SAMD5: variants seen among roughly 807,000 people sequenced by gnomAD.
SAMD5 encodes the protein sterile alpha motif domain containing 5.
A neutral mutation model predicts 11.3 loss-of-function variants in SAMD5; 13 were observed. The ratio of observed to expected loss-of-function variants is 1.15; its 90% CI spans 0.75 to 1.83. SAMD5 has a LOEUF of 1.83. Ranked by LOEUF, SAMD5 falls within the 40% of genes most tolerant of loss-of-function variation. The pLI, the probability that SAMD5 is intolerant of heterozygous loss-of-function variation, is 0.00. For synonymous variants in SAMD5, 129 were observed against 111.3 expected (o/e 1.16, Z -1.00); for missense variants, 255 against 239.1 (o/e 1.07, Z -0.44).
the SAMD5 span, among the ~76,000 whole-genome samples, chr6:147,790,814 CT>C: frequency 8.5e-6 from 1 of 118,148 alleles, no homozygotes; most frequent in East Asian, 2.4e-4. Context: ...CTCTCTCTCT[CT>C]CTCTCTCTCT....
At chr6:147,917,752 A>T in the SAMD5 span, among the ~76,000 whole-genome samples, 2 of 152,184 alleles carry the variant, frequency 1.3e-5, no homozygotes, top group Non-Finnish European at 2.9e-5. Context: ...TAAGGAAGGG[A>T]TCCACTTTCA....
chr6:147,951,017 T>C, the SAMD5 span, among the ~76,000 whole-genome samples: 1 of 151,154 alleles, frequency 6.6e-6, no homozygotes, highest in Non-Finnish European at 1.5e-5. Context: ...CAGGCTTGGC[T>C]CTCCATGTGC....
At chr6:147,811,488 A>C in the SAMD5 span, among the ~76,000 whole-genome samples, 1 of 152,132 alleles carries the variant, frequency 6.6e-6, no homozygotes, top group Admixed American at 6.6e-5. Flanking sequence ...TTTGAACAGA[A>C]CAGTAGCAGT....
At chr6:147,720,294 T>C (rs1421863189) in intron 1 of SAMD5, among the ~76,000 whole-genome samples, 1 of 152,082 alleles carries the variant, frequency 6.6e-6, no homozygotes, top group African/African-American at 2.4e-5. Context: ...ACCCCGTCTC[T>C]ACTGAAAAAA....
intron 1 of SAMD5, among the ~76,000 whole-genome samples, chr6:147,690,286 A>C (rs1258147097): frequency 6.6e-6 from 1 of 152,230 alleles, no homozygotes; most frequent in Non-Finnish European, 1.5e-5. Context: ...AGAAAACTTT[A>C]GCTATTTATT....
the SAMD5 span, among the ~76,000 whole-genome samples, chr6:147,841,124 C>G: frequency 6.6e-6 from 1 of 152,166 alleles, no homozygotes; most frequent in Non-Finnish European, 1.5e-5. Context: ...AGAGACAACT[C>G]TGGAGATGGA....
At chr6:147,858,046 G>A in the SAMD5 span, among the ~76,000 whole-genome samples, 1 of 152,138 alleles carries the variant, frequency 6.6e-6, no homozygotes, top group Non-Finnish European at 1.5e-5. Flanking sequence ...AGGCATTTTT[G>A]TGGCTGCCGG....
At chr6:147,922,311 A>G in the SAMD5 span, among the ~76,000 whole-genome samples, 1 of 152,166 alleles carries the variant, frequency 6.6e-6, no homozygotes, top group Non-Finnish European at 1.5e-5. Context: ...TCTAGTACTC[A>G]CTAGAACTTT....
At chr6:147,780,049 A>G in the SAMD5 span, among the ~76,000 whole-genome samples, 2 of 152,214 alleles carry the variant, frequency 1.3e-5, no homozygotes, top group Admixed American at 6.5e-5. Context: ...AGGTCAAATT[A>G]AATAAGCTTT....
intron 1 of SAMD5, among the ~76,000 whole-genome samples, chr6:147,657,103 G>T (rs187001218): frequency 7.2e-5 from 11 of 152,202 alleles, no homozygotes; most frequent in Non-Finnish European, 1.6e-4. Flanking sequence ...ATAATAAAGT[G>T]ATTTCCAGGA....
chr6:147,798,516 G>A, the SAMD5 span, among the ~76,000 whole-genome samples: 2 of 150,844 alleles, frequency 1.3e-5, no homozygotes, highest in African/African-American at 2.5e-5. Context: ...AATAGGTGTG[G>A]TGTGGTGCTG....
chr6:147,619,406 G>A (rs1789924362), intron 1 of SAMD5, among the ~76,000 whole-genome samples: 1 of 152,138 alleles, frequency 6.6e-6, no homozygotes, highest in African/African-American at 2.4e-5. Context: ...AACTTCCCGA[G>A]TTTGTATAAG....
At chr6:147,675,126 C>A (rs2128455841) in intron 1 of SAMD5, among the ~76,000 whole-genome samples, 1 of 152,220 alleles carries the variant, frequency 6.6e-6, no homozygotes, top group East Asian at 1.9e-4. Context: ...TGACAAAAAA[C>A]CCTCAAAGAC....
At chr6:147,743,582 A>T in the SAMD5 span, among the ~76,000 whole-genome samples, 1 of 152,302 alleles carries the variant, frequency 6.6e-6, no homozygotes, top group African/African-American at 2.4e-5. Context: ...TTAAATAGGA[A>T]ATTTATCTTC....
the SAMD5 span, among the ~76,000 whole-genome samples, chr6:147,845,211 A>T: frequency 6.6e-6 from 1 of 151,412 alleles, no homozygotes; most frequent in Non-Finnish European, 1.5e-5. Flanking sequence ...CCTAAAAAAA[A>T]ATTGAACCTT....
the SAMD5 span, among the ~76,000 whole-genome samples, chr6:147,912,994 A>AT: frequency 1.3e-5 from 2 of 152,060 alleles, no homozygotes; most frequent in Non-Finnish European, 2.9e-5. Flanking sequence ...GTAAAGAGAA[A>AT]TTTTTTTCTA....
the SAMD5 span, among the ~76,000 whole-genome samples, chr6:147,815,374 G>T: frequency 1.7e-3 from 257 of 152,320 alleles, no homozygotes; most frequent in African/African-American, 5.9e-3. Context: ...ACCCTTTAAA[G>T]ACTCTGTTGT....
intron 1 of SAMD5, among the ~76,000 whole-genome samples, chr6:147,596,839 T>G (rs530754915): frequency 2.0e-5 from 3 of 152,332 alleles, no homozygotes; most frequent in Admixed American, 2.0e-4. Context: ...TTGATTCTAT[T>G]TGGAAAAATG....
chr6:147,736,598 G>A (rs1791807987), intron 1 of SAMD5, among the ~76,000 whole-genome samples: 1 of 152,138 alleles, frequency 6.6e-6, no homozygotes, highest in African/African-American at 2.4e-5. Context: ...CTATATACAT[G>A]TACCAACTAT....
Sources: gnomAD v4.1 joint callset for allele counts (sites outside exome capture counted in the v4.1 genomes callset) on GRCh38, gnomAD v4.1.1 for gene constraint, MANE v1.5 for transcripts, NCBI Gene and HGNC (gene_info 2026-07-23, HGNC 2026-07-21) for gene names.